The following ME2 variants were observed in gnomAD, a reference collection of about 807,000 sequenced individuals.
ME2 encodes the protein NAD-dependent malic enzyme, mitochondrial.
A neutral mutation model predicts 73.7 loss-of-function variants in ME2; 60 were observed. That is an observed-to-expected ratio of 0.81 (90% CI 0.66 to 1.01). The LOEUF is 1.01. ME2 is among the 50% of genes least tolerant of loss of function. The pLI, the probability that ME2 is intolerant of heterozygous loss-of-function variation, is 0.00. For missense variants in ME2, 594 were observed against 705.5 expected (o/e 0.84, Z 1.79); for synonymous variants, 199 against 236.9 (o/e 0.84, Z 1.47).
chr18:50,946,657 C>G (rs1026760689), intron 15 of ME2, among the ~76,000 whole-genome samples: 1 of 152,124 alleles, frequency 6.6e-6, no homozygotes, highest in Admixed American at 6.6e-5. Flanking sequence ...GCAGAAACCT[C>G]TCTCTCACCT....
rs1248046559 is a variant in ME2 at position 50,954,212 on chromosome 18, ATG to A, written c.*7034_*7035del. Reference sequence around the variant, plus strand: ...CTCTGTTGTGATATGTTGTAATGAGATGTGTGTTCTTATATTTTCTTAGTAAA... The same window carrying A: ...CTCTGTTGTGATATGTTGTAATGAGATGTGTTCTTATATTTTCTTAGTAAA... On this transcript the variant is annotated 3_prime_UTR_variant, in exon 16 of 16. Transcript: ENST00000321341. 6.6e-6 allele frequency: 1 copy of A among 152,214 alleles called. No homozygotes were observed. The allele number at this position is 152,214 out of a possible 1,614,324, so 9.4% of individuals were successfully genotyped here.
At chr18:50,919,391 A>G (rs1312208931) in intron 7 of ME2, among the ~76,000 whole-genome samples, 1 of 152,212 alleles carries the variant, frequency 6.6e-6, no homozygotes, top group Non-Finnish European at 1.5e-5. Flanking sequence ...ATTCCTTTTC[A>G]GAGTCAAAGT....
At chr18:50,914,680 T>C (rs1045568495) in intron 4 of ME2, among the ~76,000 whole-genome samples, 1 of 152,182 alleles carries the variant, frequency 6.6e-6, no homozygotes, top group Non-Finnish European at 1.5e-5. Context: ...TTCCATTATA[T>C]AGCCAGATTG....
chr18:50,932,333 C>G lies in ME2; in HGVS notation c.1390C>G (p.Gln464Glu). 6.2e-7 allele frequency: 1 copy of G among 1,612,540 alleles called. No individual in the cohort carries two copies. Among genetic ancestry groups the G allele is most frequent in the Non-Finnish European group, 8.5e-7 (1 of 1,179,070 alleles). Residue 464 changes from glutamine to glutamate, a missense_variant, in exon 13 of 16, where the codon CAA (glutamine) becomes GAA (glutamate). By Grantham distance (29) the Gln-to-Glu change is conservative. Transcript: ENST00000321341. Reference protein sequence around the residue: ...LTDGRVFTPGQGNNVYIFPGV... With the variant: ...LTDGRVFTPGEGNNVYIFPGV... ...AGATGGGCGAGTCTTTACACCAGGT[C>G]AAGGAAACAATGTTTATATTTTTCC...
chr18:50,926,848 T>C (rs944134422), intron 12 of ME2, among the ~76,000 whole-genome samples: 1 of 152,358 alleles, frequency 6.6e-6, no homozygotes, highest in Middle Eastern at 3.4e-3. Flanking sequence ...TGTATAGTAA[T>C]TTATTAATTT....
intron 1 of ME2, among the ~76,000 whole-genome samples, chr18:50,885,620 A>G (rs777336891): frequency 6.6e-6 from 1 of 152,200 alleles, no homozygotes; most frequent in South Asian, 2.1e-4. Flanking sequence ...AATTTTGTTA[A>G]TAATACTTTT....
At chr18:50,927,443 G>C (rs575417678) in intron 12 of ME2, among the ~76,000 whole-genome samples, 37 of 152,092 alleles carry the variant, frequency 2.4e-4, no homozygotes, top group African/African-American at 8.7e-4. Flanking sequence ...GCTCACGCCT[G>C]TAATCCCAGC....
chr18:50,897,719 G>T (rs1398390169), intron 2 of ME2, among the ~76,000 whole-genome samples: 1 of 152,144 alleles, frequency 6.6e-6, no homozygotes, highest in Non-Finnish European at 1.5e-5. Flanking sequence ...AATTAGCTGA[G>T]TGTGGTGGAG....
At chr18:50,900,272 T>G (rs1332477407) in intron 2 of ME2, among the ~76,000 whole-genome samples, 1 of 21,644 alleles carries the variant, frequency 4.6e-5, no homozygotes, top group Non-Finnish European at 8.4e-5. Flanking sequence ...AAGAATAATT[T>G]TATTTATTTA....
intron 2 of ME2, among the ~76,000 whole-genome samples, chr18:50,900,074 C>T (rs1916849843): frequency 6.6e-6 from 1 of 152,080 alleles, no homozygotes; most frequent in Admixed American, 6.5e-5. Flanking sequence ...CTATTCACAC[C>T]TCTTTTCCCC....
chr18:50,942,168 A>G (rs1216113070), intron 15 of ME2, among the ~76,000 whole-genome samples: 2 of 152,038 alleles, frequency 1.3e-5, no homozygotes, highest in Admixed American at 6.6e-5. Context: ...TCTCTCTGGG[A>G]TTTATTTTAA....
intron 4 of ME2, among the ~76,000 whole-genome samples, chr18:50,914,395 A>G (rs1450103057): frequency 2.0e-5 from 3 of 152,246 alleles, no homozygotes; most frequent in African/African-American, 7.2e-5. Context: ...CAGTTAGTCT[A>G]GACTTAGGAG....
chr18:50,930,491 C>T (rs1478240859), intron 12 of ME2, among the ~76,000 whole-genome samples: 2 of 152,028 alleles, frequency 1.3e-5, no homozygotes, highest in African/African-American at 4.8e-5. Flanking sequence ...TTACATAGAC[C>T]AAGTTGGACT....
intron 12 of ME2, among the ~76,000 whole-genome samples, chr18:50,930,299 C>G (rs1599118416): frequency 6.6e-6 from 1 of 152,190 alleles, no homozygotes; most frequent in South Asian, 2.1e-4. Flanking sequence ...TCATAGTTTA[C>G]TTTTACATAA....
chr18:50,917,441 C>A lies in ME2; in HGVS notation c.563C>A (p.Thr188Lys), dbSNP rs761299411. 6.2e-7 allele frequency: 1 copy of A among 1,613,322 alleles called. No homozygotes were observed. Residue 188 changes from threonine (T) to lysine (K), a missense_variant, in exon 6 of 16, where the codon ACA (threonine) becomes AAA (lysine). By Grantham distance (78) the Thr-to-Lys change is moderately conservative. Coordinates refer to ENST00000321341, the MANE Select transcript of ME2 (RefSeq NM_002396.5). ...GIPVGKLCLYTACAGIRPDRC... is the reference protein window; with the variant it reads ...GIPVGKLCLYKACAGIRPDRC... The stretch of plus-strand genomic sequence containing the variant: ...CCAGTAGGAAAACTTTGTTTGTATA[C>A]AGCTTGTGCAGGAATACGGCCTGAT...
chr18:50,917,481 G>A lies in ME2; in HGVS notation c.603G>A (p.Val201=). 1.2e-6 allele frequency: 2 copies of A among 1,611,422 alleles called. No homozygotes were observed. The highest frequency in any genetic ancestry group is 2.7e-5 in the African/African-American group (2 of 74,972). The part of the protein sequence containing the change: ...AGIRPDRCLP[V]CIDVGTDNIA... The stretch of plus-strand genomic sequence containing the variant: ...TACGGCCTGATAGATGCCTGCCAGT[G>A]TGTATTGATGTGGGAACTGATAATA... Residue 201 remains valine (V), a synonymous_variant, in exon 6 of 16, where the codon GTG becomes GTA. Transcript: ENST00000321341.
chr18:50,921,255 A>G, intron 10 of ME2, 68 bp downstream of exon 10: 7 of 764,974 alleles, frequency 9.2e-6, no homozygotes, highest in Non-Finnish European at 1.4e-5. Flanking sequence ...TTAAAATATT[A>G]TTCCTTAAAA....
rs920708153 is a variant in ME2, at chr18:50,879,533, C to G, written c.-13+225C>G. ...TACATCGCGGCGACCCAGGTTCCAG[C>G]GGCCGCGGCTCTACCCGGCGCGCGA... On this transcript the variant is annotated intron_variant, in intron 1 of 15. Transcript: ENST00000321341. Among the ~76,000 whole-genome samples the G allele has an allele frequency of 2.0e-5, 3 of 152,196 alleles. No individual in the cohort carries two copies. The South Asian group carries it at 6.2e-4, about 31-fold the overall frequency.
rs530035474 is a variant in ME2, at chr18:50,947,241, G to T, written c.*57G>T. 9.2e-6 allele frequency: 14 copies of T among 1,525,228 alleles called. No individual in the cohort carries two copies. The allele number at this position is 1,525,228 out of a possible 1,614,324, so 94.5% of individuals were successfully genotyped here. A position where few individuals can be genotyped will look rare whatever the true frequency, so the allele number is the denominator to read the frequency against. On this transcript the variant is annotated 3_prime_UTR_variant, in exon 16 of 16. Coordinates refer to ENST00000321341, the MANE Select transcript of ME2 (RefSeq NM_002396.5). ...CCAGGGAACCCCTTTTTTCAGACAA[G>T]AAGAGATAATGTCTTCAGTTTTATG...
Sources: allele counts gnomAD v4.1 joint callset (sites outside exome capture counted in the v4.1 genomes callset), GRCh38; gene constraint gnomAD v4.1.1; transcripts MANE v1.5; gene names NCBI Gene and HGNC (gene_info 2026-07-23, HGNC 2026-07-21).